Variants in TCEA3 observed in about 807,000 individuals in gnomAD.
TCEA3 encodes transcription elongation factor A protein 3.
TCEA3 carries 36 observed loss-of-function variants against 44.0 expected under a neutral mutation model. The ratio of observed to expected loss-of-function variants is 0.82; its 90% CI spans 0.63 to 1.08. TCEA3 has a LOEUF of 1.08. TCEA3 is among the 50% of genes least tolerant of loss of function. The pLI, the probability that TCEA3 is intolerant of heterozygous loss-of-function variation, is 0.00. For missense variants in TCEA3, 392 were observed against 441.2 expected (o/e 0.89, Z 1.00); for synonymous variants, 162 against 159.7 (o/e 1.01, Z -0.11).
chr1:23,422,878 G>A (rs889459164), intron 1 of TCEA3, among the ~76,000 whole-genome samples: 7 of 152,162 alleles, frequency 4.6e-5, no homozygotes, highest in African/African-American at 7.2e-5. Flanking sequence ...GGCAGGTCCC[G>A]TCCTCTTCAG....
chr1:23,418,916 C>T (rs1639973397), intron 2 of TCEA3, among the ~76,000 whole-genome samples, 161 bp downstream of exon 2: 1 of 151,152 alleles, frequency 6.6e-6, no homozygotes, highest in South Asian at 2.1e-4. Flanking sequence ...CCCTGTGTCC[C>T]CCTCAGTCCC....
chr1:23,418,083 GCC>G, intron 2 of TCEA3, 74 bp from the exon 3 acceptor site: 2 of 1,453,788 alleles, frequency 1.4e-6, no homozygotes, highest in Non-Finnish European at 1.9e-6. Context: ...GGCAGATCCT[GCC>G]CCAGCTCTAC....
At chr1:23,382,618 T>C (rs751425425) in intron 10 of TCEA3, among the ~76,000 whole-genome samples, 1 of 152,222 alleles carries the variant, frequency 6.6e-6, no homozygotes, top group Non-Finnish European at 1.5e-5. Context: ...AAGGGACACC[T>C]TTTTCTAATT....
Position 23,381,153 on chromosome 1 carries a change from G to A in TCEA3, c.*313C>T, listed in dbSNP as rs963598893. On this transcript the variant is annotated 3_prime_UTR_variant, in exon 11 of 11. Coordinates refer to ENST00000450454, the MANE Select transcript of TCEA3 (RefSeq NM_003196.3). ...TGGACTCAAACTTCTGGGGTTAAGC[G>A]ATTCTCCCACCTCAGCCTCCCAGAG... 8.7e-6 allele frequency: 3 copies of A among 343,428 alleles called. No homozygotes were observed. The highest frequency in any genetic ancestry group is 4.4e-5 in the South Asian group (1 of 22,922). 21.3% of individuals were successfully genotyped at this position (343,428 alleles called of 1,614,324 possible). A position where few individuals can be genotyped will look rare whatever the true frequency, so the allele number is the denominator to read the frequency against.
At chr1:23,384,242 G>C in intron 10 of TCEA3, 104 bp downstream of exon 10, 1 of 1,597,936 alleles carries the variant, frequency 6.3e-7, no homozygotes, top group Non-Finnish European at 8.5e-7. Context: ...AGGCTGGCAA[G>C]TGCTGCCATG....
At chr1:23,383,716 T>C in intron 10 of TCEA3, 1 of 985,454 alleles carries the variant, frequency 1.0e-6, no homozygotes. Flanking sequence ...AAACTGACAA[T>C]AGGCACGTGA....
intron 10 of TCEA3, chr1:23,384,027 T>C: frequency 8.4e-7 from 1 of 1,194,932 alleles, no homozygotes; most frequent in Non-Finnish European, 1.0e-6. Flanking sequence ...AAGTGCAGAA[T>C]GTTTTTCCTC....
chr1:23,392,408 TC>T (rs1639064636), intron 8 of TCEA3, among the ~76,000 whole-genome samples: 6 of 5,104 alleles, frequency 1.2e-3, no homozygotes, highest in Admixed American at 2.2e-3. Context: ...CCACACATCA[TC>T]ATGCACAATA....
rs367701164 is a variant in TCEA3 at position 23,384,332 on chromosome 1, A to G, written c.1038+14T>C. On this transcript the variant is annotated intron_variant, in intron 10 of 10. Transcript: ENST00000450454. ...TGGATAACAGGGAAGGGGGAAATACATAAACATACAGACCTTCCAGCGATT... is the reference window on the plus strand; with the variant it reads ...TGGATAACAGGGAAGGGGGAAATACGTAAACATACAGACCTTCCAGCGATT... The G allele has an allele frequency of 2.5e-6, 4 of 1,613,918 alleles. No homozygotes were observed. Among genetic ancestry groups the G allele is most frequent in the Admixed American group, 1.7e-5 (1 of 60,022 alleles).
At position 23,381,201 on chromosome 1, in the gene TCEA3, C is replaced by A; in HGVS notation, c.*265G>T. 2.1e-6 allele frequency: 1 copy of A among 478,302 alleles called. No homozygotes were observed. The highest frequency in any genetic ancestry group is 2.8e-5 in the South Asian group (1 of 36,178). The allele number at this position is 478,302 out of a possible 1,614,324, so 29.6% of individuals were successfully genotyped here. On this transcript the variant is annotated 3_prime_UTR_variant, in exon 11 of 11. Transcript: ENST00000450454. ...GAGTTTGCAGATTACAGCCATAAAC[C>A]ACCGTGCCCAGCCCTCTGCAGTTTC...
chr1:23,392,092 A>C lies in TCEA3; in HGVS notation c.819+1787T>G, dbSNP rs72882943. 5.0e-3 allele frequency among the ~76,000 whole-genome samples: 768 copies of C among 152,284 alleles called. 7 individuals are homozygous for C. Among genetic ancestry groups the C allele is most frequent in the African/African-American group, 0.018 (743 of 41,544 alleles). On this transcript the variant is annotated intron_variant, in intron 8 of 10. Coordinates refer to ENST00000450454, the MANE Select transcript of TCEA3 (RefSeq NM_003196.3). ...GTTGCTATTTACCCAAAAAGATCAG[A>C]TATTTTAAATTAGGCAGAAAGATAA...
chr1:23,408,052 C>T (rs933878280), intron 5 of TCEA3, among the ~76,000 whole-genome samples: 1 of 152,078 alleles, frequency 6.6e-6, no homozygotes, highest in Non-Finnish European at 1.5e-5. Flanking sequence ...ACCTCTGCCT[C>T]CTGGGTTCAA....
intron 4 of TCEA3, among the ~76,000 whole-genome samples, chr1:23,416,492 T>TTTTG (rs1345031868): frequency 6.6e-5 from 10 of 151,946 alleles, no homozygotes; most frequent in African/African-American, 2.4e-4. Flanking sequence ...ATGTCTTGGT[T>TTTTG]TTTGTTTGTT....
chr1:23,394,171 C>G, intron 7 of TCEA3, 138 bp from the exon 8 acceptor site: 1 of 1,018,806 alleles, frequency 9.8e-7, no homozygotes, highest in Non-Finnish European at 1.4e-6. Context: ...CTTTTGTGAC[C>G]TCTGACTCTC....
intron 5 of TCEA3, among the ~76,000 whole-genome samples, chr1:23,400,115 T>C (rs1639354368): frequency 6.6e-6 from 1 of 152,220 alleles, no homozygotes; most frequent in Non-Finnish European, 1.5e-5. Flanking sequence ...AGAAAGGATC[T>C]AACCAGACTC....
At chr1:23,396,024 C>T (rs575497480) in intron 7 of TCEA3, among the ~76,000 whole-genome samples, 1 of 152,130 alleles carries the variant, frequency 6.6e-6, no homozygotes, top group Middle Eastern at 3.2e-3. Flanking sequence ...CTTGAATTAA[C>T]AGGAAATGAT....
intron 10 of TCEA3, among the ~76,000 whole-genome samples, chr1:23,383,201 A>AC (rs770505975): frequency 2.7e-5 from 4 of 150,730 alleles, no homozygotes; most frequent in Non-Finnish European, 5.9e-5. Context: ...AATGGTGTGA[A>AC]CCTGGGGGGT....
At position 23,391,998 on chromosome 1, in the gene TCEA3, G is replaced by A. The variant is rs370193307; in HGVS notation, c.819+1881C>T. Among the ~76,000 whole-genome samples the A allele has an allele frequency of 1.3e-3, 192 of 152,248 alleles. 4 individuals are homozygous for A. The South Asian group carries it at 0.039, about 31-fold the overall frequency. ...TTTATAAACTACCCAGGCGATGTTC[G>A]TTATAGCAGTCTGAACTGACGAAAG... On this transcript the variant is annotated intron_variant, in intron 8 of 10. Coordinates refer to ENST00000450454, the MANE Select transcript of TCEA3 (RefSeq NM_003196.3).
At chr1:23,400,794 G>A (rs758280548) in intron 5 of TCEA3, among the ~76,000 whole-genome samples, 5 of 152,152 alleles carry the variant, frequency 3.3e-5, no homozygotes, top group Non-Finnish European at 7.4e-5. Context: ...GAGAGCTGCT[G>A]CATTTCCTCA....
Sources: gnomAD v4.1 joint callset for allele counts (sites outside exome capture counted in the v4.1 genomes callset) on GRCh38, gnomAD v4.1.1 for gene constraint, MANE v1.5 for transcripts, NCBI Gene and HGNC (gene_info 2026-07-23, HGNC 2026-07-21) for gene names.